FAM78B: variants seen among roughly 807,000 people sequenced by gnomAD.
FAM78B encodes protein FAM78B.
In FAM78B, 10 loss-of-function variants were observed where a neutral mutation model predicts 20.0. That is an observed-to-expected ratio of 0.50 (90% confidence interval 0.31 to 0.85). FAM78B has a LOEUF of 0.85. Ranked by LOEUF, FAM78B falls within the 40% of genes least tolerant of loss-of-function variation. The pLI is 0.05. For synonymous variants in FAM78B, 135 were observed against 132.8 expected (o/e 1.02, Z -0.12); for missense variants, 283 against 345.0 (o/e 0.82, Z 1.42).
intron 1 of FAM78B, among the ~76,000 whole-genome samples, chr1:166,084,237 A>ACACACACACACTCT (rs771421402): frequency 1.7e-4 from 21 of 125,414 alleles, no homozygotes; most frequent in African/African-American, 5.9e-4. Flanking sequence ...ACACACACAC[A>ACACACACACACTCT]CTCTCTCTCT....
At chr1:166,091,072 A>G (rs1049358220) in intron 1 of FAM78B, among the ~76,000 whole-genome samples, 3 of 152,188 alleles carry the variant, frequency 2.0e-5, no homozygotes, top group Non-Finnish European at 4.4e-5. Context: ...ATCCTGGGTG[A>G]AGGATGAGCA....
intron 1 of FAM78B, among the ~76,000 whole-genome samples, chr1:166,103,187 T>C (rs1213014000): frequency 6.6e-6 from 1 of 152,164 alleles, no homozygotes; most frequent in East Asian, 1.9e-4. Flanking sequence ...CCAGAATCTC[T>C]GGGACACATT....
rs545235989 is a variant in FAM78B at position 166,060,327 on chromosome 1, G to T, written c.*746C>A. 23 of 320,312 alleles carry T rather than the reference G, an allele frequency of 7.2e-5. No individual in the cohort carries two copies. The East Asian group carries it at 2.0e-3, about 27-fold the overall frequency. 19.8% of individuals were successfully genotyped at this position (320,312 alleles called of 1,614,324 possible). ...ATCCCTAGGAGGCTTCACTTTGAGG[G>T]TTGGGGAAAGGACTTGGGATCTGAA... On this transcript the variant is annotated 3_prime_UTR_variant and NMD_transcript_variant, in exon 3 of 3. Transcript: ENST00000435676.
intron 1 of FAM78B, among the ~76,000 whole-genome samples, chr1:166,158,540 G>A (rs1053761953): frequency 4.6e-5 from 7 of 152,090 alleles, no homozygotes; most frequent in African/African-American, 7.2e-5. Flanking sequence ...CGGGCACATA[G>A]ACCTTTCACG....
chr1:166,133,203 G>GA (rs1654940369), intron 1 of FAM78B, among the ~76,000 whole-genome samples: 1 of 152,192 alleles, frequency 6.6e-6, no homozygotes. Flanking sequence ...CCTGGAGGAA[G>GA]AATAAGGGCT....
intron 1 of FAM78B, among the ~76,000 whole-genome samples, chr1:166,094,436 C>T (rs1009138982): frequency 4.6e-5 from 7 of 152,192 alleles, no homozygotes; most frequent in African/African-American, 1.7e-4. Context: ...AATGCTGACA[C>T]CTGCTCTTTG....
intron 1 of FAM78B, among the ~76,000 whole-genome samples, chr1:166,160,974 C>T (rs748280907): frequency 2.6e-5 from 4 of 152,128 alleles, no homozygotes; most frequent in South Asian, 4.1e-4. Flanking sequence ...GAGGAGATAG[C>T]GGCTGAGACC....
At chr1:166,103,966 C>A (rs1174633225) in intron 1 of FAM78B, among the ~76,000 whole-genome samples, 1 of 152,166 alleles carries the variant, frequency 6.6e-6, no homozygotes, top group East Asian at 1.9e-4. Context: ...AAAATACTGG[C>A]AAACCGAATC....
At chr1:166,135,869 G>T (rs1655047080) in intron 1 of FAM78B, among the ~76,000 whole-genome samples, 1 of 152,212 alleles carries the variant, frequency 6.6e-6, no homozygotes, top group Non-Finnish European at 1.5e-5. Context: ...GTTCTGCAAA[G>T]ATGGTGCAAA....
chr1:166,073,229 T>C (rs780552080), intron 1 of FAM78B, among the ~76,000 whole-genome samples: 7 of 152,176 alleles, frequency 4.6e-5, no homozygotes, highest in African/African-American at 7.2e-5. Flanking sequence ...AATAGTGACA[T>C]TGGAGGTTAC....
At chr1:166,109,814 G>GTATGTA (rs1653928121) in intron 1 of FAM78B, among the ~76,000 whole-genome samples, 2 of 32,648 alleles carry the variant, frequency 6.1e-5, no homozygotes, top group Non-Finnish European at 7.1e-5. Context: ...ATGTATATAT[G>GTATGTA]TATATATATA....
At chr1:166,118,002 G>C (rs573107282) in intron 1 of FAM78B, among the ~76,000 whole-genome samples, 1 of 152,330 alleles carries the variant, frequency 6.6e-6, no homozygotes, top group East Asian at 1.9e-4. Context: ...TGGAGGGAAG[G>C]AGGCAGAACT....
Position 166,165,878 on chromosome 1 carries a change from G to A in FAM78B, c.263+108C>T, listed in dbSNP as rs766372113. 2.5e-4 allele frequency: 335 copies of A among 1,353,336 alleles called. 1 individual carries two copies. The highest frequency in any genetic ancestry group is 3.3e-4 in the Non-Finnish European group (320 of 974,532). The allele number at this position is 1,353,336 out of a possible 1,614,324, so 83.8% of individuals were successfully genotyped here. ...GGAGAGGAGGCGGGAGGAAGGTTTA[G>A]AAAGACGATGGGGACAGCAGTAGGA... On this transcript the variant is annotated intron_variant, in intron 1 of 1. Transcript: ENST00000354422.
At chr1:166,156,035 G>A (rs1415357448) in intron 1 of FAM78B, among the ~76,000 whole-genome samples, 1 of 152,158 alleles carries the variant, frequency 6.6e-6, no homozygotes, top group East Asian at 1.9e-4. Flanking sequence ...TGCGGATGCC[G>A]ATTTACCGCT....
chr1:166,060,894 ATAT>A (rs1651570348), intron 2 of FAM78B, among the ~76,000 whole-genome samples: 1 of 152,236 alleles, frequency 6.6e-6, no homozygotes, highest in Non-Finnish European at 1.5e-5. Flanking sequence ...AACTAAAATA[ATAT>A]TAAAGGTTTA....
chr1:166,127,286 T>C (rs1654678805), intron 1 of FAM78B, among the ~76,000 whole-genome samples: 1 of 152,210 alleles, frequency 6.6e-6, no homozygotes, highest in Non-Finnish European at 1.5e-5. Context: ...AGTTCAATTC[T>C]GCCCTAGACA....
At chr1:166,076,087 T>C (rs1652259858) in intron 1 of FAM78B, among the ~76,000 whole-genome samples, 1 of 152,242 alleles carries the variant, frequency 6.6e-6, no homozygotes, top group Admixed American at 6.5e-5. Flanking sequence ...ACTGGTCTCC[T>C]TGCTAATTAC....
intron 1 of FAM78B, among the ~76,000 whole-genome samples, chr1:166,124,571 T>C (rs900541228): frequency 6.6e-6 from 1 of 152,198 alleles, no homozygotes; most frequent in African/African-American, 2.4e-5. Flanking sequence ...GAGTTATAAG[T>C]AGCAGAGCCA....
chr1:166,058,611 G>C (rs1422701556), exon 3 of FAM78B: 1 of 151,862 alleles, frequency 6.6e-6, no homozygotes, highest in Admixed American at 6.6e-5. Context: ...GGCCCATCAT[G>C]AACATAATAC....
Sources: allele counts gnomAD v4.1 joint callset (sites outside exome capture counted in the v4.1 genomes callset), GRCh38; gene constraint gnomAD v4.1.1; transcripts MANE v1.5; gene names NCBI Gene and HGNC (gene_info 2026-07-23, HGNC 2026-07-21).